SLC17A8: variants seen among roughly 807,000 people sequenced by gnomAD.
The protein encoded by SLC17A8 is vesicular glutamate transporter 3.
A neutral mutation model predicts 58.0 loss-of-function variants in SLC17A8; 31 were observed. The observed-to-expected ratio is 0.53, with a 90% CI of 0.40 to 0.72. SLC17A8 has a LOEUF of 0.72. Among genes scored for constraint, SLC17A8 ranks in the 30% least tolerant of loss-of-function variants. SLC17A8 has a pLI of 0.00. For missense variants in SLC17A8, 655 were observed against 727.8 expected, an observed-to-expected ratio of 0.90 and a Z score of 1.15; for synonymous variants, 228 against 249.0, an observed-to-expected ratio of 0.92 and a Z score of 0.79.
Position 100,357,480 on chromosome 12 carries a change from G to A in SLC17A8, c.89G>A (p.Gly30Glu), listed in dbSNP as rs891026415. ...AAGAACGCCGTGGGAGATTCTTTGG[G>A]AATTTTACAAAGGTAAAGTTTGAAT... Reference protein sequence around the residue: ...GVKNAVGDSLGILQRKIDGTT... With the variant: ...GVKNAVGDSLEILQRKIDGTT... The change falls in exon 1 of 12, where the codon GGA (glycine) becomes GAA (glutamate). Residue 30 changes from glycine to glutamate, a missense_variant. Transcript: ENST00000323346. The A allele has an allele frequency of 3.7e-6, 6 of 1,611,438 alleles. No individual in the cohort carries two copies. The highest frequency in any genetic ancestry group is 1.6e-4 in the Middle Eastern group (1 of 6,078).
chr12:100,373,038 A>G (rs2135977556), intron 1 of SLC17A8, among the ~76,000 whole-genome samples: 1 of 152,290 alleles, frequency 6.6e-6, no homozygotes, highest in Non-Finnish European at 1.5e-5. Flanking sequence ...TAGTTAGCAT[A>G]TCTTAGGCAA....
At chr12:100,391,506 T>C (rs1184410410) in intron 3 of SLC17A8, among the ~76,000 whole-genome samples, 2 of 151,976 alleles carry the variant, frequency 1.3e-5, no homozygotes, top group African/African-American at 4.8e-5. Context: ...GGTTTCACCA[T>C]GTTGGCCAGG....
At chr12:100,385,496 C>T (rs543149603) in intron 2 of SLC17A8, among the ~76,000 whole-genome samples, 108 of 152,176 alleles carry the variant, frequency 7.1e-4, no homozygotes, top group African/African-American at 2.3e-3. Flanking sequence ...CCCCGGCCTC[C>T]CAAAGTGCTG....
intron 1 of SLC17A8, among the ~76,000 whole-genome samples, chr12:100,380,362 A>G (rs1289863973): frequency 6.6e-6 from 1 of 152,038 alleles, no homozygotes; most frequent in Non-Finnish European, 1.5e-5. Context: ...TCCTACCTCA[A>G]ATGACTTAGT....
chr12:100,377,585 A>ATATATAT (rs1366447682), intron 1 of SLC17A8, among the ~76,000 whole-genome samples: 5 of 84,030 alleles, frequency 6.0e-5, no homozygotes, highest in African/African-American at 2.4e-4. Context: ...ATATATATAT[A>ATATATAT]TTTTTTTTTT....
intron 2 of SLC17A8, among the ~76,000 whole-genome samples, chr12:100,382,024 G>T (rs531911521): frequency 6.6e-6 from 1 of 152,278 alleles, no homozygotes; most frequent in South Asian, 2.1e-4. Flanking sequence ...GCTAAATTTT[G>T]GTTAAGAGTG....
chr12:100,416,833 C>T (rs1365663709), intron 10 of SLC17A8, among the ~76,000 whole-genome samples: 4 of 152,138 alleles, frequency 2.6e-5, no homozygotes, highest in South Asian at 4.1e-4. Context: ...TTATAAGAAT[C>T]GTTATCCCGT....
chr12:100,418,227 A>G, intron 11 of SLC17A8, 71 bp downstream of exon 11: 1 of 1,592,070 alleles, frequency 6.3e-7, no homozygotes, highest in East Asian at 2.2e-5. Flanking sequence ...TTGAGATTTC[A>G]AGGCTCTACT....
chr12:100,380,836 T>C lies in SLC17A8; in HGVS notation c.237T>C (p.Ala79=), dbSNP rs138991031. The change falls in exon 2 of 12, where the codon GCT becomes GCC. Residue 79 remains alanine (A), a synonymous_variant. Coordinates refer to ENST00000323346, the MANE Select transcript of SLC17A8 (RefSeq NM_139319.3). ...GCCTCCCCAAGCGTTACATCATTGC[T>C]ATCATGAGTGGGCTGGGATTCTGCA... ...CCGLPKRYII[A]IMSGLGFCIS... is the part of the protein sequence containing the mutation. 68 of 1,614,008 alleles carry C rather than the reference T, an allele frequency of 4.2e-5. No homozygotes were observed. Among genetic ancestry groups the C allele is most frequent in the Admixed American group, 2.3e-4 (14 of 59,982 alleles).
chr12:100,362,400 T>C (rs1432171315), intron 1 of SLC17A8, among the ~76,000 whole-genome samples: 1 of 152,106 alleles, frequency 6.6e-6, no homozygotes, highest in African/African-American at 2.4e-5. Context: ...TTATTTTAAT[T>C]TTTAAAATAA....
chr12:100,407,969 A>G (rs2136010612), intron 9 of SLC17A8, among the ~76,000 whole-genome samples: 1 of 152,344 alleles, frequency 6.6e-6, no homozygotes, highest in African/African-American at 2.4e-5. Context: ...ATTTTTAAAA[A>G]GACCATAATG....
Position 100,421,817 on chromosome 12 carries a change from A to C in SLC17A8, c.*1658A>C, listed in dbSNP as rs1179082820. On this transcript the variant is annotated 3_prime_UTR_variant, in exon 12 of 12. Coordinates refer to ENST00000323346, the MANE Select transcript of SLC17A8 (RefSeq NM_139319.3). Reference sequence around the variant, plus strand: ...TCTTTATGTCACTAGCATACAATTTATGTTAGTAGACATCTTTAAATCTCT... The same window carrying C: ...TCTTTATGTCACTAGCATACAATTTCTGTTAGTAGACATCTTTAAATCTCT... 6.6e-6 allele frequency: 1 copy of C among 152,128 alleles called. No individual in the cohort carries two copies. The highest frequency in any genetic ancestry group is 1.5e-5 in the Non-Finnish European group (1 of 68,016). The allele number at this position is 152,128 out of a possible 1,614,324, so 9.4% of individuals were successfully genotyped here. A position where few individuals can be genotyped will look rare whatever the true frequency, so the allele number is the denominator to read the frequency against.
intron 6 of SLC17A8, 76 bp downstream of exon 6, chr12:100,401,939 G>A: frequency 9.0e-7 from 1 of 1,107,708 alleles, no homozygotes; most frequent in Non-Finnish European, 1.4e-6. Context: ...TTGGCTCAGA[G>A]TTCATTACAT....
chr12:100,401,865 T>C lies in SLC17A8; in HGVS notation c.763+2T>C. ...GGTCCTCTGTCTTTTATATTTATGG[T>C]GAGTGATTTGACTTCACAAGTTCAC... On this transcript the variant is annotated splice_donor_variant, in intron 6 of 11. Transcript: ENST00000323346. LOFTEE classifies it high-confidence loss of function. The C allele has an allele frequency of 6.2e-7, 1 of 1,611,960 alleles. No homozygotes were observed. The highest frequency in any genetic ancestry group is 1.7e-5 in the Admixed American group (1 of 60,016).
intron 2 of SLC17A8, among the ~76,000 whole-genome samples, chr12:100,382,406 G>A (rs1182956307): frequency 2.0e-5 from 3 of 152,264 alleles, no homozygotes; most frequent in Non-Finnish European, 2.9e-5. Flanking sequence ...CTGCTTAAAC[G>A]ATAGACCTAG....
intron 1 of SLC17A8, among the ~76,000 whole-genome samples, chr12:100,358,520 T>A (rs1028532791): frequency 1.2e-4 from 18 of 152,204 alleles, no homozygotes; most frequent in Non-Finnish European, 2.4e-4. Flanking sequence ...TCACTGTTAA[T>A]ATTAACTTTC....
At chr12:100,401,005 T>G (rs1365651068) in intron 5 of SLC17A8, among the ~76,000 whole-genome samples, 1 of 147,396 alleles carries the variant, frequency 6.8e-6, no homozygotes, top group Non-Finnish European at 1.5e-5. Context: ...CACCTTTTTT[T>G]TTTTTTTTTT....
chr12:100,415,221 T>A (rs1297587146), intron 10 of SLC17A8, among the ~76,000 whole-genome samples: 2 of 151,952 alleles, frequency 1.3e-5, no homozygotes, highest in African/African-American at 4.8e-5. Flanking sequence ...ATCCCAGCAC[T>A]TTGGGAGGCC....
At chr12:100,418,000 C>G in intron 10 of SLC17A8, 29 bp from the exon 11 acceptor site, 1 of 1,614,124 alleles carries the variant, frequency 6.2e-7, no homozygotes, top group Non-Finnish European at 8.5e-7. Flanking sequence ...GTTCTTGACT[C>G]TGATTTTGAG....
Sources: gnomAD v4.1 joint callset for allele counts (sites outside exome capture counted in the v4.1 genomes callset) on GRCh38, gnomAD v4.1.1 for gene constraint, MANE v1.5 for transcripts, NCBI Gene and HGNC (gene_info 2026-07-23, HGNC 2026-07-21) for gene names.